ARHGAP22: variants seen among roughly 807,000 people sequenced by gnomAD.
ARHGAP22 encodes rho GTPase-activating protein 22.
ARHGAP22 carries 48 observed loss-of-function variants against 59.1 expected under a neutral mutation model. The ratio of observed to expected loss-of-function variants is 0.81; its 90% CI spans 0.64 to 1.03. The LOEUF is 1.03. Among genes scored for constraint, ARHGAP22 ranks in the 50% least tolerant of loss-of-function variants. The probability of loss-of-function intolerance (pLI) is 0.00; values close to 1 mark genes in which losing one functional copy is unlikely to be tolerated. For synonymous variants in ARHGAP22, 445 were observed against 416.4 expected, an observed-to-expected ratio of 1.07 and a Z score of -0.84; for missense variants, 1,015 against 958.7, an observed-to-expected ratio of 1.06 and a Z score of -0.78.
chr10:48,441,482 C>G (rs1421112160), downstream of ARHGAP22, among the ~76,000 whole-genome samples: 2 of 145,628 alleles, frequency 1.4e-5, no homozygotes, highest in South Asian at 4.4e-4. Flanking sequence ...GACAGAGTCT[C>G]GCTCTGTCAC....
chr10:48,598,230 T>C (rs1043261490), intron 1 of ARHGAP22, among the ~76,000 whole-genome samples: 3 of 152,144 alleles, frequency 2.0e-5, no homozygotes, highest in Admixed American at 6.5e-5. Context: ...AAGGAGAACA[T>C]GAGGGTTGGT....
At chr10:48,537,053 G>A (rs1294780396) in intron 3 of ARHGAP22, among the ~76,000 whole-genome samples, 3 of 152,156 alleles carry the variant, frequency 2.0e-5, no homozygotes, top group African/African-American at 7.2e-5. Context: ...CAGGAGGCCG[G>A]CTGCTTTCTA....
chr10:48,534,586 C>T lies in ARHGAP22; in HGVS notation c.322+20877G>A, dbSNP rs545386010. Among the ~76,000 whole-genome samples, 4 of 152,346 alleles carry T rather than the reference C, an allele frequency of 2.6e-5. No individual in the cohort carries two copies. The South Asian group carries it at 8.3e-4, about 32-fold the overall frequency. On this transcript the variant is annotated intron_variant, in intron 3 of 9. Transcript: ENST00000249601. ...GTCTCGGTTACCTGAGCAGGAATCACTTAGTGGCATACACGCCACTTACTG... is the reference window on the plus strand; with the variant it reads ...GTCTCGGTTACCTGAGCAGGAATCATTTAGTGGCATACACGCCACTTACTG...
chr10:48,514,161 T>C (rs1393710873), intron 3 of ARHGAP22, among the ~76,000 whole-genome samples: 7 of 151,688 alleles, frequency 4.6e-5, no homozygotes, highest in Non-Finnish European at 8.8e-5. Flanking sequence ...CCTCAGAAAT[T>C]GATGGGACAC....
At chr10:48,526,839 T>C (rs2054369409) in intron 3 of ARHGAP22, among the ~76,000 whole-genome samples, 1 of 152,340 alleles carries the variant, frequency 6.6e-6, no homozygotes, top group Non-Finnish European at 1.5e-5. Context: ...CGGCTTTAAA[T>C]ATCAACTCCC....
At chr10:48,518,471 G>A (rs1040378243) in intron 3 of ARHGAP22, among the ~76,000 whole-genome samples, 6 of 152,310 alleles carry the variant, frequency 3.9e-5, no homozygotes, top group African/African-American at 1.4e-4. Context: ...CAAACAACAG[G>A]GGTCAGAAAA....
At chr10:48,452,808 A>T (rs1336519501) in intron 8 of ARHGAP22, among the ~76,000 whole-genome samples, 1 of 152,222 alleles carries the variant, frequency 6.6e-6, no homozygotes, top group Non-Finnish European at 1.5e-5. Context: ...CTGAAATGAG[A>T]TGATACAAAC....
chr10:48,651,933 C>A (rs78939376), intron 1 of ARHGAP22, among the ~76,000 whole-genome samples: 75 of 152,266 alleles, frequency 4.9e-4, no homozygotes, highest in African/African-American at 1.8e-3. Flanking sequence ...ACTGCCCCAG[C>A]GGTCCTTGGA....
At chr10:48,462,343 C>T (rs972722403) in intron 4 of ARHGAP22, among the ~76,000 whole-genome samples, 6 of 152,062 alleles carry the variant, frequency 3.9e-5, no homozygotes, top group Non-Finnish European at 7.4e-5. Flanking sequence ...CACTCATCAG[C>T]ACATTTAATC....
At chr10:48,555,931 G>A (rs1274057383) in intron 2 of ARHGAP22, among the ~76,000 whole-genome samples, 1 of 152,222 alleles carries the variant, frequency 6.6e-6, no homozygotes, top group African/African-American at 2.4e-5. Flanking sequence ...TCTGGCTCCT[G>A]AGGCAACATG....
chr10:48,563,187 A>ATTTTTTTTTTTTTTTT (rs558735630), intron 2 of ARHGAP22, among the ~76,000 whole-genome samples: 1 of 104,214 alleles, frequency 9.6e-6, no homozygotes, highest in Non-Finnish European at 1.8e-5. Context: ...ATCCAGGATA[A>ATTTTTTTTTTTTTTTT]TTTTTTTTTT....
In ARHGAP22 at chr10:48,511,245, G is replaced by A. The variant is rs534475733; in HGVS notation, c.323-31481C>T. Among the ~76,000 whole-genome samples, 4 of 152,360 alleles carry A rather than the reference G, an allele frequency of 2.6e-5. No homozygotes were observed. In the South Asian group the frequency reaches 8.3e-4, roughly 32 times the overall value. On this transcript the variant is annotated intron_variant, in intron 3 of 9. Coordinates refer to ENST00000249601, the MANE Select transcript of ARHGAP22 (RefSeq NM_021226.4). Reference sequence around the variant, plus strand: ...ATCCTGCACAAGTCCTGCTCTCGGTGCCTTCGTGGCACACGGCAGCCCTGA... The same window carrying A: ...ATCCTGCACAAGTCCTGCTCTCGGTACCTTCGTGGCACACGGCAGCCCTGA...
intron 1 of ARHGAP22, among the ~76,000 whole-genome samples, chr10:48,630,646 C>T (rs2136092348): frequency 6.6e-6 from 1 of 152,260 alleles, no homozygotes; most frequent in East Asian, 1.9e-4. Flanking sequence ...AACCTTATAT[C>T]CTGTGACTTG....
chr10:48,523,959 G>T, intron 3 of ARHGAP22: 1 of 1,127,664 alleles, frequency 8.9e-7, no homozygotes, highest in Non-Finnish European at 1.2e-6. Context: ...AGGTGCGGGC[G>T]GCCCTGGACA....
chr10:48,548,061 G>T (rs2056598001), intron 3 of ARHGAP22, among the ~76,000 whole-genome samples: 1 of 152,226 alleles, frequency 6.6e-6, no homozygotes, highest in Admixed American at 6.5e-5. Flanking sequence ...GTAGTCAGGG[G>T]TAGGCATGTA....
At chr10:48,537,109 C>A (rs1385861197) in intron 3 of ARHGAP22, among the ~76,000 whole-genome samples, 1 of 152,228 alleles carries the variant, frequency 6.6e-6, no homozygotes, top group Non-Finnish European at 1.5e-5. Flanking sequence ...TGACCCTTCA[C>A]AGGACAAAGA....
chr10:48,534,214 G>A (rs1227955343), intron 3 of ARHGAP22, among the ~76,000 whole-genome samples: 1 of 152,232 alleles, frequency 6.6e-6, no homozygotes, highest in African/African-American at 2.4e-5. Flanking sequence ...CACAGAGAAA[G>A]ACAAGGGGAA....
intron 3 of ARHGAP22, among the ~76,000 whole-genome samples, chr10:48,496,607 AC>A (rs1486665669): frequency 4.3e-4 from 66 of 151,948 alleles, no homozygotes; most frequent in African/African-American, 1.6e-3. Flanking sequence ...CTGGGACCTG[AC>A]CTCCTTCTCT....
chr10:48,450,113 G>T, intron 9 of ARHGAP22, 148 bp downstream of exon 9: 1 of 1,214,358 alleles, frequency 8.2e-7, no homozygotes. Context: ...CAGTCCTAGG[G>T]CTTTCCCAGA....
Sources: gnomAD v4.1 joint callset for allele counts (sites outside exome capture counted in the v4.1 genomes callset) on GRCh38, gnomAD v4.1.1 for gene constraint, MANE v1.5 for transcripts, NCBI Gene and HGNC (gene_info 2026-07-23, HGNC 2026-07-21) for gene names.